ZBTB40: variants seen among roughly 807,000 people sequenced by gnomAD.
The protein encoded by ZBTB40 is zinc finger and BTB domain-containing protein 40.
A neutral mutation model predicts 117.5 loss-of-function variants in ZBTB40; 60 were observed. That is an observed-to-expected ratio of 0.51 (90% CI 0.41 to 0.63). ZBTB40 has a LOEUF of 0.63. Among genes scored for constraint, ZBTB40 ranks in the 30% least tolerant of loss-of-function variants. The pLI is 0.00. For missense variants in ZBTB40, 1,287 were observed against 1,498.5 expected (o/e 0.86, Z 2.33); for synonymous variants, 525 against 577.1 (o/e 0.91, Z 1.29).
At chr1:22,509,990 A>G (rs1010158038) in intron 9 of ZBTB40, among the ~76,000 whole-genome samples, 2 of 152,258 alleles carry the variant, frequency 1.3e-5, no homozygotes, top group Admixed American at 1.3e-4. Context: ...GGCTTCTAGA[A>G]AGAGCCAAGA....
In ZBTB40 at chr1:22,506,112, A is replaced by G. The variant is rs377361002; in HGVS notation, c.1231A>G (p.Met411Val). ...GACAATAGAAAATTTGTTGCACAGA[A>G]TGACTGAAGAGAAGACGCTGACTGC... ...KETIENLLHR[M>V]TEEKTLTAEG... Residue 411 changes from methionine (M) to valine (V), a missense_variant, in exon 6 of 18, where the codon ATG becomes GTG. By Grantham distance (21) the Met-to-Val change is conservative. Around this residue, in one of 2 missense-constraint regions of ZBTB40, gnomAD observed 870 missense variants for 934.4 expected, o/e 0.93. Transcript: ENST00000375647. 1 of 1,614,202 alleles carries G rather than the reference A, an allele frequency of 6.2e-7. No individual in the cohort carries two copies. Among genetic ancestry groups the G allele is most frequent in the Non-Finnish European group, 8.5e-7 (1 of 1,180,028 alleles).
intron 1 of ZBTB40, among the ~76,000 whole-genome samples, chr1:22,456,828 T>A (rs1317853847): frequency 1.3e-5 from 2 of 152,226 alleles, no homozygotes; most frequent in African/African-American, 4.8e-5. Flanking sequence ...TGTGGACCTA[T>A]TGTCTAGGCA....
In ZBTB40 at chr1:22,524,107, A is replaced by G. The variant is rs1639611463; in HGVS notation, c.3299-111A>G. 13 of 1,064,040 alleles carry G rather than the reference A, an allele frequency of 1.2e-5. 1 individual carries two copies. The South Asian group carries it at 1.6e-4, about 13-fold the overall frequency. The allele number at this position is 1,064,040 out of a possible 1,614,324, so 65.9% of individuals were successfully genotyped here. On this transcript the variant is annotated intron_variant, in intron 16 of 17. Coordinates refer to ENST00000375647, the MANE Select transcript of ZBTB40 (RefSeq NM_014870.4). ...TCCCACAAAATGTGGATCCGCCTCC[A>G]AGCCTCGATCCTCATTGCTCTTTCC... is the stretch of plus-strand genomic sequence containing the variant.
At chr1:22,441,300 A>G (rs1351301510) in intron 1 of ZBTB40, among the ~76,000 whole-genome samples, 1 of 151,760 alleles carries the variant, frequency 6.6e-6, no homozygotes, top group Non-Finnish European at 1.5e-5. Context: ...ACTCCATTTT[A>G]TTTCTCTAGA....
At chr1:22,465,621 G>A (rs937263853) in intron 1 of ZBTB40, among the ~76,000 whole-genome samples, 1 of 152,214 alleles carries the variant, frequency 6.6e-6, no homozygotes, top group Non-Finnish European at 1.5e-5. Flanking sequence ...GCCCAACTTT[G>A]CTCCAGATTG....
At chr1:22,510,187 A>T (rs762330678) in intron 9 of ZBTB40, among the ~76,000 whole-genome samples, 16 of 152,230 alleles carry the variant, frequency 1.1e-4, no homozygotes, top group Non-Finnish European at 1.9e-4. Flanking sequence ...GGAACATGAA[A>T]TTAAACTACA....
chr1:22,494,218 T>C (rs1030147866), intron 3 of ZBTB40, among the ~76,000 whole-genome samples: 1 of 152,174 alleles, frequency 6.6e-6, no homozygotes, highest in Non-Finnish European at 1.5e-5. Flanking sequence ...TGACACGAGA[T>C]GGTTTGCTGT....
rs1639755272 is a variant in ZBTB40, at chr1:22,528,909, T to G, written c.*2513T>G. On this transcript the variant is annotated 3_prime_UTR_variant, in exon 18 of 18. Transcript: ENST00000375647. ...GAATCACCAGATTTGCAGCTTACTGTGCCGAGAGTGGACTGGCTGCCGGGG... is the reference window on the plus strand; with the variant it reads ...GAATCACCAGATTTGCAGCTTACTGGGCCGAGAGTGGACTGGCTGCCGGGG... The G allele has an allele frequency of 6.6e-6, 1 of 152,316 alleles. No individual in the cohort carries two copies. The highest frequency in any genetic ancestry group is 2.4e-5 in the African/African-American group (1 of 41,434). 9.4% of individuals were successfully genotyped at this position (152,316 alleles called of 1,614,324 possible).
chr1:22,471,465 G>A (rs989696977), intron 1 of ZBTB40, among the ~76,000 whole-genome samples: 1 of 152,186 alleles, frequency 6.6e-6, no homozygotes, highest in African/African-American at 2.4e-5. Flanking sequence ...TGGTCTTGTG[G>A]GTTATATAAC....
Position 22,501,654 on chromosome 1 carries a change from C to T in ZBTB40, c.994C>T (p.Pro332Ser), listed in dbSNP as rs576598016. 3.7e-6 allele frequency: 6 copies of T among 1,613,906 alleles called. No homozygotes were observed. The African/African-American group carries it at 8.0e-5, about 22-fold the overall frequency. ...AVKTALLDRK[P>S]EDVDTVQPKG... ...AAAAACAGCACTATTAGACAGGAAGCCAGAAGATGTAGACACAGTGCAGCC... is the reference window on the plus strand; with the variant it reads ...AAAAACAGCACTATTAGACAGGAAGTCAGAAGATGTAGACACAGTGCAGCC... The change falls in exon 4 of 18, where the codon CCA becomes TCA. Residue 332 changes from proline to serine, a missense_variant. Transcript: ENST00000375647.
At chr1:22,471,204 A>G (rs1641395398) in intron 1 of ZBTB40, among the ~76,000 whole-genome samples, 1 of 152,006 alleles carries the variant, frequency 6.6e-6, no homozygotes, top group Non-Finnish European at 1.5e-5. Context: ...CAGCTGGCCT[A>G]TTCCAATAGC....
chr1:22,526,042 G>A (rs931883009), intron 17 of ZBTB40, among the ~76,000 whole-genome samples, 160 bp from the exon 18 acceptor site: 4 of 152,088 alleles, frequency 2.6e-5, no homozygotes, highest in South Asian at 2.1e-4. Context: ...CTTTTGCATC[G>A]CCAGTGGGTT....
chr1:22,483,126 T>C (rs1638373548), intron 1 of ZBTB40, among the ~76,000 whole-genome samples: 2 of 152,192 alleles, frequency 1.3e-5, no homozygotes, highest in Non-Finnish European at 2.9e-5. Context: ...CCCTGTCTTT[T>C]CATGGCTTTA....
Position 22,527,155 on chromosome 1 carries a change from C to G in ZBTB40, c.*759C>G, listed in dbSNP as rs902617261. On this transcript the variant is annotated 3_prime_UTR_variant, in exon 18 of 18. Transcript: ENST00000375647. Reference sequence around the variant, plus strand: ...GGACATTCTTCTTGGTATTCCTTACCTGAAGCCTGGTTCCCACAGCTCTTC... The same window carrying G: ...GGACATTCTTCTTGGTATTCCTTACGTGAAGCCTGGTTCCCACAGCTCTTC... 6.5e-6 allele frequency: 1 copy of G among 153,042 alleles called. No individual in the cohort carries two copies. The highest frequency in any genetic ancestry group is 1.5e-5 in the Non-Finnish European group (1 of 68,582). 9.5% of individuals were successfully genotyped at this position (153,042 alleles called of 1,614,324 possible). A position where few individuals can be genotyped will look rare whatever the true frequency, so the allele number is the denominator to read the frequency against.
chr1:22,461,839 C>G (rs1217647894), intron 1 of ZBTB40, among the ~76,000 whole-genome samples: 1 of 152,180 alleles, frequency 6.6e-6, no homozygotes, highest in African/African-American at 2.4e-5. Flanking sequence ...TGTGTAGTGC[C>G]AAGCCTCAGT....
chr1:22,437,424 C>CTTT (rs755956667), intron 1 of ZBTB40, among the ~76,000 whole-genome samples: 1 of 141,300 alleles, frequency 7.1e-6, no homozygotes, highest in Non-Finnish European at 1.6e-5. Flanking sequence ...AACTTATCAT[C>CTTT]TTTTTTTTTT....
At chr1:22,506,315 C>G (rs1639075386) in intron 6 of ZBTB40, 74 bp downstream of exon 6, 1 of 1,448,088 alleles carries the variant, frequency 6.9e-7, no homozygotes, top group Middle Eastern at 2.2e-4. Flanking sequence ...ACCCTTTTGG[C>G]TCCATGCTGG....
At chr1:22,485,819 A>G (rs533039046) in intron 1 of ZBTB40, among the ~76,000 whole-genome samples, 2 of 151,762 alleles carry the variant, frequency 1.3e-5, no homozygotes, top group South Asian at 4.2e-4. Flanking sequence ...AGTCGTGTCC[A>G]GTCTACTAAT....
chr1:22,485,904 G>GAATTTCCA (rs1453324057), intron 1 of ZBTB40, among the ~76,000 whole-genome samples: 1 of 151,490 alleles, frequency 6.6e-6, no homozygotes, highest in Non-Finnish European at 1.5e-5. Flanking sequence ...TTCTTTCTTA[G>GAATTTCCA]AATTTCCATT....
Sources: gnomAD v4.1 joint callset for allele counts (sites outside exome capture counted in the v4.1 genomes callset) on GRCh38, gnomAD v4.1.1 for gene constraint, gnomAD v4.1.1 regional missense constraint, MANE v1.5 for transcripts, NCBI Gene and HGNC (gene_info 2026-07-23, HGNC 2026-07-21) for gene names.